The following LAMA2 variants were observed in gnomAD, a reference collection of about 807,000 sequenced individuals.
LAMA2 encodes the protein laminin subunit alpha 2, also known as laminin subunit alpha-2.
In LAMA2, 269 loss-of-function variants were observed where a neutral mutation model predicts 364.8. The observed-to-expected ratio is 0.74, with a 90% confidence interval of 0.67 to 0.82. The LOEUF is 0.82. Among genes scored for constraint, LAMA2 ranks in the 40% least tolerant of loss-of-function variants. The pLI, the probability that LAMA2 is intolerant of heterozygous loss-of-function variation, is 0.00. For synonymous variants in LAMA2, 1,379 were observed against 1,370.6 expected (o/e 1.01, Z -0.14); for missense variants, 3,807 against 3,873.2 (o/e 0.98, Z 0.45).
intron 3 of LAMA2, among the ~76,000 whole-genome samples, chr6:129,088,334 T>C (rs1302081455): frequency 6.6e-6 from 1 of 151,806 alleles, no homozygotes; most frequent in Admixed American, 6.6e-5. Context: ...TCTCTATCTT[T>C]TCCCCACATT....
At position 129,369,744 on chromosome 6, in the gene LAMA2, G is replaced by A. The variant is rs190634102; in HGVS notation, c.4861-148G>A. ...CTGAATATTTGGCATGACACTCAAT[G>A]TGTAAGTGCCCAGTTGAAATAGTTT... On this transcript the variant is annotated intron_variant, in intron 33 of 64. Transcript: ENST00000421865. 888 of 709,268 alleles carry A rather than the reference G, an allele frequency of 1.3e-3. 11 individuals are homozygous for A. The highest frequency in any genetic ancestry group is 3.4e-4 in the Non-Finnish European group (134 of 396,974). The allele number at this position is 709,268 out of a possible 1,614,324, so 43.9% of individuals were successfully genotyped here.
At chr6:129,270,779 A>G in intron 17 of LAMA2, 28 bp downstream of exon 17, 1 of 1,610,274 alleles carries the variant, frequency 6.2e-7, no homozygotes, top group Non-Finnish European at 8.5e-7. Context: ...CCCATGAATA[A>G]GCTCAGCATC....
chr6:129,158,349 A>G, intron 8 of LAMA2: 1 of 1,613,696 alleles, frequency 6.2e-7, no homozygotes, highest in Non-Finnish European at 8.5e-7. Context: ...TTTCACCGCC[A>G]CTCTTTCGCC....
At chr6:129,063,958 G>T (rs980845657) in intron 3 of LAMA2, among the ~76,000 whole-genome samples, 2 of 152,014 alleles carry the variant, frequency 1.3e-5, no homozygotes, top group Admixed American at 1.3e-4. Context: ...CATAAAATAC[G>T]TGGAAATACT....
At chr6:129,411,683 G>A (rs1413443196) in intron 40 of LAMA2, among the ~76,000 whole-genome samples, 1 of 150,034 alleles carries the variant, frequency 6.7e-6, no homozygotes, top group Admixed American at 6.6e-5. Context: ...GAGGAAACAC[G>A]CTGATAAGAA....
chr6:129,336,621 G>C (rs570136833), intron 29 of LAMA2, among the ~76,000 whole-genome samples: 1 of 152,304 alleles, frequency 6.6e-6, no homozygotes, highest in African/African-American at 2.4e-5. Context: ...ACTTGCTTAA[G>C]TCATAAAACA....
chr6:129,202,204 A>G (rs1159345416), intron 12 of LAMA2, among the ~76,000 whole-genome samples: 6 of 151,120 alleles, frequency 4.0e-5, no homozygotes, highest in East Asian at 1.9e-4. Flanking sequence ...AAAAAAAAAA[A>G]AAAAAGAAAA....
At chr6:129,504,027 T>C (rs1430486388) in intron 60 of LAMA2, among the ~76,000 whole-genome samples, 2 of 152,210 alleles carry the variant, frequency 1.3e-5, no homozygotes, top group African/African-American at 2.4e-5. Flanking sequence ...GATAGCCTAT[T>C]AAAGCAAAGC....
intron 31 of LAMA2, among the ~76,000 whole-genome samples, chr6:129,352,725 C>T (rs922287799): frequency 2.0e-5 from 3 of 152,072 alleles, no homozygotes; most frequent in Non-Finnish European, 4.4e-5. Flanking sequence ...AAATTTGGCC[C>T]ATTTCTGATT....
At chr6:129,247,915 T>G (rs1785878025) in intron 12 of LAMA2, among the ~76,000 whole-genome samples, 1 of 152,204 alleles carries the variant, frequency 6.6e-6, no homozygotes, top group African/African-American at 2.4e-5. Flanking sequence ...TGCGTATTTA[T>G]TTGTTCCTCT....
intron 1 of LAMA2, among the ~76,000 whole-genome samples, chr6:129,006,372 T>A (rs1784441676): frequency 6.6e-6 from 1 of 152,214 alleles, no homozygotes; most frequent in Admixed American, 6.5e-5. Context: ...AAATGAGTGA[T>A]AATCTTAATT....
At chr6:129,180,949 G>C (rs1780889265) in intron 10 of LAMA2, among the ~76,000 whole-genome samples, 2 of 152,032 alleles carry the variant, frequency 1.3e-5, no homozygotes, top group Non-Finnish European at 2.9e-5. Flanking sequence ...GGAAATTGCA[G>C]CTGAACTCCC....
chr6:128,953,558 T>G (rs1358418450), intron 1 of LAMA2, among the ~76,000 whole-genome samples: 1 of 151,886 alleles, frequency 6.6e-6, no homozygotes, highest in Admixed American at 6.6e-5. Flanking sequence ...ATGTCTGTAG[T>G]ATGTATATTT....
chr6:129,087,171 C>A (rs780205342), intron 3 of LAMA2, among the ~76,000 whole-genome samples: 2 of 152,082 alleles, frequency 1.3e-5, no homozygotes, highest in African/African-American at 4.8e-5. Context: ...TAAATATAGA[C>A]GTCTTTGAGG....
intron 1 of LAMA2, among the ~76,000 whole-genome samples, chr6:128,996,490 G>C (rs1270882836): frequency 6.6e-6 from 1 of 152,098 alleles, no homozygotes; most frequent in Non-Finnish European, 1.5e-5. Flanking sequence ...CTTCTCAAAA[G>C]AAGACATTTA....
intron 55 of LAMA2, among the ~76,000 whole-genome samples, chr6:129,484,567 G>A (rs757332231): frequency 2.0e-5 from 3 of 151,970 alleles, no homozygotes; most frequent in Non-Finnish European, 4.4e-5. Context: ...TGGCACTTTT[G>A]CATAATGGGA....
chr6:129,230,320 C>T (rs370436759), intron 12 of LAMA2, among the ~76,000 whole-genome samples: 2 of 152,012 alleles, frequency 1.3e-5, no homozygotes, highest in South Asian at 2.1e-4. Context: ...GCAATGCATT[C>T]GACCAATGAC....
intron 34 of LAMA2, among the ~76,000 whole-genome samples, chr6:129,371,333 T>A (rs1359698326): frequency 1.3e-5 from 2 of 152,006 alleles, no homozygotes; most frequent in Non-Finnish European, 2.9e-5. Flanking sequence ...CATGCAGGTA[T>A]ATAATAAAAC....
chr6:129,122,595 G>A (rs780326209), intron 4 of LAMA2, among the ~76,000 whole-genome samples: 15 of 152,098 alleles, frequency 9.9e-5, no homozygotes, highest in Non-Finnish European at 1.9e-4. Flanking sequence ...TTACATGAAC[G>A]TTTATTCCTT....
Sources: allele counts gnomAD v4.1 joint callset (sites outside exome capture counted in the v4.1 genomes callset), GRCh38; gene constraint gnomAD v4.1.1; transcripts MANE v1.5; gene names NCBI Gene and HGNC (gene_info 2026-07-23, HGNC 2026-07-21).